Variants in STIM1 observed in about 807,000 individuals in gnomAD.
The protein encoded by STIM1 is stromal interaction molecule 1.
Under a neutral mutation model 74.7 loss-of-function variants are expected in STIM1, and 25 were observed. The ratio of observed to expected loss-of-function variants is 0.33; its 90% CI spans 0.24 to 0.47. The LOEUF (loss-of-function observed/expected upper bound fraction) is 0.47. Ranked by LOEUF, STIM1 falls within the 20% of genes least tolerant of loss-of-function variation. The probability of loss-of-function intolerance (pLI) is 1.00; values close to 1 mark genes in which losing one functional copy is unlikely to be tolerated. For missense variants in STIM1, 728 were observed against 920.8 expected, an observed-to-expected ratio of 0.79 and a Z score of 2.71; for synonymous variants, 328 against 348.8, an observed-to-expected ratio of 0.94 and a Z score of 0.66.
intron 1 of STIM1, among the ~76,000 whole-genome samples, chr11:3,928,447 G>C (rs2092815950): frequency 6.6e-6 from 1 of 152,052 alleles, no homozygotes; most frequent in Non-Finnish European, 1.5e-5. Context: ...GGCTGGTCTT[G>C]AACTCCTGAC....
chr11:4,008,079 T>G (rs1047383597), intron 2 of STIM1, among the ~76,000 whole-genome samples: 2 of 152,158 alleles, frequency 1.3e-5, no homozygotes, highest in Non-Finnish European at 2.9e-5. Flanking sequence ...ATAAGGACAT[T>G]CAGTCAACAG....
intron 1 of STIM1, among the ~76,000 whole-genome samples, chr11:3,909,235 C>G (rs2092519581): frequency 6.6e-6 from 1 of 152,112 alleles, no homozygotes; most frequent in Admixed American, 6.5e-5. Flanking sequence ...GTGATGTCTC[C>G]AGGGTAAAAT....
chr11:4,005,649 C>T (rs960725669), intron 2 of STIM1, among the ~76,000 whole-genome samples: 3 of 151,964 alleles, frequency 2.0e-5, no homozygotes, highest in African/African-American at 7.3e-5. Flanking sequence ...TTAATGGGTG[C>T]AGCACACCAG....
Position 3,916,051 on chromosome 11 carries a change from A to G in STIM1, c.140-51501A>G, listed in dbSNP as rs1003112825. On this transcript the variant is annotated intron_variant, in intron 1 of 12. Transcript: ENST00000526596. ...CCAGCCTGGGCCCACAGGGTGATAC[A>G]TCTCAAAATAAATAAGTAAATAAAT... Among the ~76,000 whole-genome samples, 64 of 152,060 alleles carry G rather than the reference A, an allele frequency of 4.2e-4. 1 individual carries two copies. The highest frequency in any genetic ancestry group is 2.6e-4 in the Admixed American group (4 of 15,268).
chr11:4,066,773 G>A (rs1449388169), intron 5 of STIM1, among the ~76,000 whole-genome samples: 1 of 152,166 alleles, frequency 6.6e-6, no homozygotes, highest in Admixed American at 6.5e-5. Context: ...TGGGTTGATC[G>A]TAGCTCACAG....
At chr11:4,033,890 T>G (rs2094075668) in intron 3 of STIM1, among the ~76,000 whole-genome samples, 1 of 151,938 alleles carries the variant, frequency 6.6e-6, no homozygotes, top group Admixed American at 6.6e-5. Context: ...TGAGCCACTG[T>G]GCCTGGCTGT....
intron 1 of STIM1, among the ~76,000 whole-genome samples, chr11:3,953,834 G>A (rs1315411328): frequency 6.8e-6 from 1 of 147,994 alleles, no homozygotes; most frequent in Non-Finnish European, 1.5e-5. Context: ...TGAGGCTGGA[G>A]TACAGTGACA....
intron 1 of STIM1, among the ~76,000 whole-genome samples, chr11:3,883,959 T>C (rs2091611464): frequency 6.6e-6 from 1 of 152,170 alleles, no homozygotes; most frequent in African/African-American, 2.4e-5. Flanking sequence ...ATAGTCCCTA[T>C]TGTTTTATAT....
chr11:3,978,966 A>C (rs55978228), intron 2 of STIM1, among the ~76,000 whole-genome samples: 8,247 of 152,112 alleles, frequency 0.054, 371 homozygotes, highest in East Asian at 0.18. Flanking sequence ...TATTTCCTTA[A>C]TCTATGCTAT....
intron 3 of STIM1, among the ~76,000 whole-genome samples, chr11:4,048,751 T>G (rs2094213649): frequency 6.6e-6 from 1 of 151,962 alleles, no homozygotes; most frequent in Non-Finnish European, 1.5e-5. Context: ...ATTTTTTTTT[T>G]GAGACAGAGT....
intron 1 of STIM1, among the ~76,000 whole-genome samples, chr11:3,947,100 G>GT (rs57701004): frequency 0.25 from 34,220 of 139,176 alleles, 4,525 homozygotes; most frequent in South Asian, 0.48. Context: ...CATTCTTAGT[G>GT]TTTTTTTTTT....
At chr11:3,989,373 A>G (rs2093587330) in intron 2 of STIM1, 27 of 781,434 alleles carry the variant, frequency 3.5e-5, no homozygotes, top group East Asian at 4.9e-5. Context: ...CCACTTTTGC[A>G]GGAGCAGGTT....
rs192520072 is a variant in STIM1, at chr11:3,921,011, G to A, written c.140-46541G>A. Among the ~76,000 whole-genome samples, 197 of 152,216 alleles carry A rather than the reference G, an allele frequency of 1.3e-3. 2 individuals are homozygous for A. The highest frequency in any genetic ancestry group is 4.5e-3 in the African/African-American group (187 of 41,522). ...GGGTTTCACCATGTTGACCAGGCTG[G>A]TTTTGAACTCCTGACCTCAGGTAAT... On this transcript the variant is annotated intron_variant, in intron 1 of 12. Transcript: ENST00000526596.
intron 1 of STIM1, among the ~76,000 whole-genome samples, chr11:3,962,516 G>A (rs1356335027): frequency 1.3e-5 from 2 of 151,820 alleles, no homozygotes; most frequent in African/African-American, 2.4e-5. Flanking sequence ...TCCATTGATG[G>A]ACACTAAAGT....
chr11:3,990,263 TGG>T (rs1433137441), intron 2 of STIM1, among the ~76,000 whole-genome samples: 6 of 152,262 alleles, frequency 3.9e-5, no homozygotes, highest in African/African-American at 1.4e-4. Flanking sequence ...TTTCTTTTCA[TGG>T]GCAAATAATA....
intron 2 of STIM1, among the ~76,000 whole-genome samples, chr11:3,994,605 G>A (rs1356289176): frequency 5.9e-5 from 9 of 151,656 alleles, no homozygotes; most frequent in African/African-American, 1.5e-4. Context: ...GATCGCAGGC[G>A]TACACCACCA....
At chr11:3,941,673 T>TATATATATATAGAG (rs141623520) in intron 1 of STIM1, among the ~76,000 whole-genome samples, 3 of 90,734 alleles carry the variant, frequency 3.3e-5, no homozygotes, top group Admixed American at 1.4e-4. Context: ...TATATATATA[T>TATATATATATAGAG]AGAGAGAGAG....
At chr11:4,060,188 C>A (rs1443419300) in intron 5 of STIM1, among the ~76,000 whole-genome samples, 1 of 152,148 alleles carries the variant, frequency 6.6e-6, no homozygotes, top group Non-Finnish European at 1.5e-5. Context: ...AACGGCCAGC[C>A]TGTAATCCTT....
At chr11:3,877,649 C>T (rs2091350530) in intron 1 of STIM1, among the ~76,000 whole-genome samples, 1 of 152,174 alleles carries the variant, frequency 6.6e-6, no homozygotes, top group Non-Finnish European at 1.5e-5. Context: ...TATAAGTTGA[C>T]CTTTACTAGT....
Sources: allele counts gnomAD v4.1 joint callset (sites outside exome capture counted in the v4.1 genomes callset), GRCh38; gene constraint gnomAD v4.1.1; transcripts MANE v1.5; gene names NCBI Gene and HGNC (gene_info 2026-07-23, HGNC 2026-07-21).